Variants in ADGRL3 observed in about 807,000 individuals in gnomAD.
The protein encoded by ADGRL3 is calcium-independent alpha-latrotoxin receptor 3.
ADGRL3 carries 62 observed loss-of-function variants against 153.5 expected under a neutral mutation model. The observed-to-expected ratio is 0.40, with a 90% CI of 0.33 to 0.50. The LOEUF (loss-of-function observed/expected upper bound fraction) is 0.50. Among genes scored for constraint, ADGRL3 ranks in the 20% least tolerant of loss-of-function variants. The probability of loss-of-function intolerance (pLI) is 0.47; values close to 1 mark genes in which losing one functional copy is unlikely to be tolerated. For synonymous variants in ADGRL3, 710 were observed against 672.5 expected, an observed-to-expected ratio of 1.06 and a Z score of -0.86; for missense variants, 1,641 against 1,859.4, an observed-to-expected ratio of 0.88 and a Z score of 2.16.
At chr4:61,936,215 A>G (rs1169973384) in intron 15 of ADGRL3, among the ~76,000 whole-genome samples, 170 bp downstream of exon 15, 1 of 151,978 alleles carries the variant, frequency 6.6e-6, no homozygotes, top group Non-Finnish European at 1.5e-5. Context: ...AGCACCATCA[A>G]TATTACAGTG....
chr4:62,050,136 A>T (rs1190163328), intron 25 of ADGRL3, among the ~76,000 whole-genome samples: 1 of 152,110 alleles, frequency 6.6e-6, no homozygotes, highest in African/African-American at 2.4e-5. Flanking sequence ...AAATAATAAT[A>T]GATTGTGCTA....
chr4:62,040,960 A>T (rs1171489244), intron 24 of ADGRL3, among the ~76,000 whole-genome samples: 1 of 152,090 alleles, frequency 6.6e-6, no homozygotes. Context: ...AAGCCTTTAC[A>T]GTTTGGAGAA....
At chr4:61,259,997 C>A (rs2092381012) in intron 1 of ADGRL3, among the ~76,000 whole-genome samples, 1 of 152,108 alleles carries the variant, frequency 6.6e-6, no homozygotes, top group African/African-American at 2.4e-5. Context: ...TAAAATGGTT[C>A]TTGCAATCGA....
intron 2 of ADGRL3, among the ~76,000 whole-genome samples, chr4:61,391,901 C>A (rs929197559): frequency 7.1e-6 from 1 of 141,036 alleles, no homozygotes; most frequent in Non-Finnish European, 1.5e-5. Context: ...GCTCTGTCAC[C>A]CAGGCTGGAG....
intron 8 of ADGRL3, among the ~76,000 whole-genome samples, chr4:61,797,121 G>A (rs901620093): frequency 6.6e-6 from 1 of 151,992 alleles, no homozygotes; most frequent in African/African-American, 2.4e-5. Context: ...TCCTTACATG[G>A]CCAAATCAAG....
chr4:61,477,347 T>C (rs1466734010), intron 2 of ADGRL3, among the ~76,000 whole-genome samples: 3 of 142,644 alleles, frequency 2.1e-5, no homozygotes, highest in Non-Finnish European at 4.6e-5. Context: ...AAGATAGTTA[T>C]TGTATATAGA....
intron 1 of ADGRL3, among the ~76,000 whole-genome samples, chr4:61,278,002 TTTGTGACTGTGAGCAGTCA>T (rs1465614423): frequency 1.3e-5 from 2 of 152,154 alleles, no homozygotes; most frequent in Non-Finnish European, 2.9e-5. Context: ...ATTGTAAGGC[TTTGTGACTGTGAGCAGTCA>T]ACAATTTCCA....
At chr4:61,522,103 GC>G (rs2098535063) in intron 4 of ADGRL3, among the ~76,000 whole-genome samples, 1 of 152,110 alleles carries the variant, frequency 6.6e-6, no homozygotes, top group South Asian at 2.1e-4. Context: ...ATATAGTGGA[GC>G]CAAGATTGGT....
intron 1 of ADGRL3, among the ~76,000 whole-genome samples, chr4:61,222,667 C>T (rs907367104): frequency 1.3e-5 from 2 of 152,240 alleles, no homozygotes; most frequent in African/African-American, 4.8e-5. Context: ...AGTACAGGAA[C>T]CAGCTTGGTA....
chr4:62,000,551 A>T (rs985559294), intron 21 of ADGRL3, among the ~76,000 whole-genome samples: 1 of 152,120 alleles, frequency 6.6e-6, no homozygotes, highest in African/African-American at 2.4e-5. Flanking sequence ...TCTTAATTTC[A>T]ATTATGTCTA....
At chr4:61,435,584 A>AT (rs1207448453) in intron 2 of ADGRL3, among the ~76,000 whole-genome samples, 1 of 152,094 alleles carries the variant, frequency 6.6e-6, no homozygotes, top group Non-Finnish European at 1.5e-5. Flanking sequence ...TATTTTATAT[A>AT]TTTTTGTTGA....
chr4:61,595,972 G>A (rs113988642), intron 5 of ADGRL3, among the ~76,000 whole-genome samples: 4,902 of 152,180 alleles, frequency 0.032, 242 homozygotes, highest in African/African-American at 0.11. Context: ...CTCAGTCACT[G>A]TGTCTCCCTC....
intron 5 of ADGRL3, among the ~76,000 whole-genome samples, chr4:61,642,910 C>G (rs1250271663): frequency 6.6e-6 from 1 of 152,172 alleles, no homozygotes; most frequent in South Asian, 2.1e-4. Context: ...TTGATTCTTC[C>G]TACCCATGAG....
At chr4:61,806,903 G>T (rs1317815931) in intron 8 of ADGRL3, among the ~76,000 whole-genome samples, 1 of 152,068 alleles carries the variant, frequency 6.6e-6, no homozygotes, top group Non-Finnish European at 1.5e-5. Context: ...TAGTCACAAT[G>T]TCTGCTTTGT....
intron 16 of ADGRL3, 60 bp downstream of exon 16, chr4:61,947,182 C>G: frequency 8.0e-7 from 1 of 1,254,132 alleles, no homozygotes; most frequent in African/African-American, 1.5e-5. Flanking sequence ...TAACACTGAA[C>G]ATTAAGTGTA....
chr4:61,739,899 G>C (rs1459109459), intron 8 of ADGRL3, among the ~76,000 whole-genome samples: 1 of 152,188 alleles, frequency 6.6e-6, no homozygotes, highest in African/African-American at 2.4e-5. Context: ...ACTGTTTAAA[G>C]AATTCTATAT....
chr4:61,428,727 T>C (rs1216541129), intron 2 of ADGRL3, among the ~76,000 whole-genome samples: 1 of 152,148 alleles, frequency 6.6e-6, no homozygotes, highest in African/African-American at 2.4e-5. Flanking sequence ...ATTAAATGAA[T>C]TAATATTTGT....
Position 61,258,087 on chromosome 4 carries a change from T to TC in ADGRL3, c.-240+56329dup, listed in dbSNP as rs1413781674. Among the ~76,000 whole-genome samples the TC allele has an allele frequency of 5.9e-5, 9 of 152,066 alleles. No homozygotes were observed. In the South Asian group the frequency reaches 6.2e-4, roughly 11 times the overall value. On this transcript the variant is annotated intron_variant, in intron 1 of 26. Coordinates refer to ENST00000683033, the MANE Select transcript of ADGRL3 (RefSeq NM_001387552.1). ...TTTTAAACCTTAGTGCAAGGACCTATCCCCCCCAGACTAAATACTGATTAT... is the reference window on the plus strand; with the variant it reads ...TTTTAAACCTTAGTGCAAGGACCTATCCCCCCCCAGACTAAATACTGATTAT...
At chr4:61,828,284 A>G (rs775318863) in intron 9 of ADGRL3, among the ~76,000 whole-genome samples, 2 of 152,216 alleles carry the variant, frequency 1.3e-5, no homozygotes, top group Admixed American at 1.3e-4. Context: ...AAACCATCCT[A>G]AGACACAACA....
Sources: gnomAD v4.1 joint callset for allele counts (sites outside exome capture counted in the v4.1 genomes callset) on GRCh38, gnomAD v4.1.1 for gene constraint, MANE v1.5 for transcripts, NCBI Gene and HGNC (gene_info 2026-07-23, HGNC 2026-07-21) for gene names.